The following REC8 variants were observed in gnomAD, a reference collection of about 807,000 sequenced individuals.
REC8 encodes meiotic recombination protein REC8 homolog.
REC8 carries 42 observed loss-of-function variants against 78.3 expected under a neutral mutation model. The observed-to-expected ratio is 0.54, with a 90% confidence interval of 0.42 to 0.69. The LOEUF is 0.69. REC8 is among the 30% of genes least tolerant of loss of function. REC8 has a pLI of 0.00. For missense variants in REC8, 581 were observed against 715.8 expected, an observed-to-expected ratio of 0.81 and a Z score of 2.15; for synonymous variants, 268 against 274.1, an observed-to-expected ratio of 0.98 and a Z score of 0.22.
intron 10 of REC8, 83 bp from the exon 11 acceptor site, chr14:24,177,626 A>G: frequency 1.3e-6 from 2 of 1,577,764 alleles, no homozygotes; most frequent in Non-Finnish European, 1.7e-6. Context: ...AACTTGCTAA[A>G]GGGAGGACCC....
Position 24,178,123 on chromosome 14 carries a change from C to CCGCCGTCGT in REC8, c.903_911dup (p.Arg302_Arg304dup). 6.2e-7 allele frequency: 1 copy of CCGCCGTCGT among 1,613,868 alleles called. No homozygotes were observed. Among genetic ancestry groups the CCGCCGTCGT allele is most frequent in the Non-Finnish European group, 8.5e-7 (1 of 1,179,856 alleles). On this transcript the variant is annotated inframe_insertion, in exon 12 of 19. Transcript: ENST00000611366. The stretch of plus-strand genomic sequence containing the variant: ...CCCCAGTCCCCCCACCTCCTCGCCG[C>CCGCCGTCGT]CGCCGTCGTCGCCGGTTACTGTTCT...
chr14:24,178,719 C>T, intron 13 of REC8, 47 bp downstream of exon 13: 1 of 1,613,342 alleles, frequency 6.2e-7, no homozygotes, highest in South Asian at 1.1e-5. Flanking sequence ...AAACCAATTC[C>T]TCATTCCTGG....
At chr14:24,179,296 C>G (rs935284251) in intron 15 of REC8, 101 bp from the exon 16 acceptor site, 2 of 1,355,574 alleles carry the variant, frequency 1.5e-6, no homozygotes, top group East Asian at 2.3e-5. Context: ...GTGCTTTTAA[C>G]AAGTCACCGC....
intron 12 of REC8, 151 bp downstream of exon 12, chr14:24,178,373 G>A (rs1381877879): frequency 6.1e-6 from 5 of 822,644 alleles, no homozygotes; most frequent in South Asian, 3.4e-5. Flanking sequence ...AAATGCAGGC[G>A]ATGTGGGTTT....
At chr14:24,176,409 T>C (rs939639669) in intron 6 of REC8, among the ~76,000 whole-genome samples, 2 of 149,136 alleles carry the variant, frequency 1.3e-5, no homozygotes, top group Non-Finnish European at 3.0e-5. Context: ...GGTATGATGA[T>C]CATAGGTCAC....
Position 24,173,287 on chromosome 14 carries a change from C to T in REC8, c.342-4C>T. 7 of 1,614,232 alleles carry T rather than the reference C, an allele frequency of 4.3e-6. No individual in the cohort carries two copies. The highest frequency in any genetic ancestry group is 5.9e-6 in the Non-Finnish European group (7 of 1,180,032). On this transcript the variant is annotated splice_polypyrimidine_tract_variant and splice_region_variant and intron_variant, in intron 4 of 18. Coordinates refer to ENST00000611366, the MANE Select transcript of REC8 (RefSeq NM_001048205.2). ...AGTCCTTCACGGCCTACATTCTCTC[C>T]CAGACCCAGCCTGCTGCTTCCTAAC...
rs947912168 is a variant in REC8, at chr14:24,179,837, G to A, written c.1489G>A (p.Asp497Asn). Residue 497 changes from aspartate (D) to asparagine (N), a missense_variant, in exon 18 of 19, where the codon GAC becomes AAC. Transcript: ENST00000611366. ...ALELQANREPDFSSLVSPLSP... is the reference protein window; with the variant it reads ...ALELQANREPNFSSLVSPLSP... ...GGAGCTGCAGGCTAACAGGGAGCCC[G>A]ACTTCAGCAGCCTGGTGTCACCTCT... 3.7e-6 allele frequency: 6 copies of A among 1,613,240 alleles called. No individual in the cohort carries two copies. Among genetic ancestry groups the A allele is most frequent in the Non-Finnish European group, 5.1e-6 (6 of 1,179,572 alleles).
rs2039074043 is a variant in REC8, at chr14:24,179,626, C to T, written c.1351C>T (p.Pro451Ser). 1 of 1,614,084 alleles carries T rather than the reference C, an allele frequency of 6.2e-7. No homozygotes were observed. The highest frequency in any genetic ancestry group is 1.3e-5 in the African/African-American group (1 of 74,928). ...GCCTGAGGTGGAGGCGCCAGAAGCT[C>T]CTGCATTGCCCGTGGTGCCTGAACT... ...AWPEVEAPEAPALPVVPELPE... is the reference protein window; with the variant it reads ...AWPEVEAPEASALPVVPELPE... Residue 451 changes from proline (P) to serine (S), a missense_variant, in exon 17 of 19, where the codon CCT becomes TCT. Pro to Ser is a moderately conservative substitution (Grantham distance 74). Coordinates refer to ENST00000611366, the MANE Select transcript of REC8 (RefSeq NM_001048205.2).
chr14:24,173,336 A>G lies in REC8; in HGVS notation c.387A>G (p.Leu129=). ...LPNHLAMMET[L]EDAPDPFFGM... ...ACCACCTGGCCATGATGGAGACCCT[A>G]GAAGATGCTCCAGATCCCTTTTTTG... Residue 129 remains leucine, a synonymous_variant, in exon 5 of 19, where the codon CTA becomes CTG. Transcript: ENST00000611366. 6.2e-7 allele frequency: 1 copy of G among 1,614,170 alleles called. No homozygotes were observed.
chr14:24,179,517 G>A (rs2039068361), intron 16 of REC8, 54 bp downstream of exon 16: 5 of 1,613,808 alleles, frequency 3.1e-6, no homozygotes, highest in South Asian at 1.1e-5. Flanking sequence ...GCCAGGTGGT[G>A]GAAACAGCTG....
At chr14:24,175,954 C>T (rs1288223197) in intron 6 of REC8, among the ~76,000 whole-genome samples, 1 of 151,684 alleles carries the variant, frequency 6.6e-6, no homozygotes, top group Non-Finnish European at 1.5e-5. Context: ...CCACCCGCCT[C>T]GGCCTCCCAA....
intron 5 of REC8, 71 bp from the exon 6 acceptor site, chr14:24,175,472 A>C (rs1310357855): frequency 8.6e-7 from 1 of 1,164,476 alleles, no homozygotes; most frequent in Non-Finnish European, 1.3e-6. Flanking sequence ...TTGTTGAAGA[A>C]GGCTGTGAAA....
Position 24,177,545 on chromosome 14 carries a change from A to G in REC8, c.814+4A>G. On this transcript the variant is annotated splice_donor_region_variant and intron_variant, in intron 10 of 18. Transcript: ENST00000611366. ...GAACCTGGGGCCCTACTCATGGGTG[A>G]GTGCCCACCATGCCCCAGGGGCTTT... is the stretch of plus-strand genomic sequence containing the variant. 1 of 1,611,956 alleles carries G rather than the reference A, an allele frequency of 6.2e-7. No individual in the cohort carries two copies. Among genetic ancestry groups the G allele is most frequent in the Non-Finnish European group, 8.5e-7 (1 of 1,178,782 alleles).
intron 2 of REC8, 39 bp downstream of exon 2, chr14:24,172,820 G>C (rs774203794): frequency 6.2e-7 from 1 of 1,614,068 alleles, no homozygotes; most frequent in Non-Finnish European, 8.5e-7. Context: ...TGGTGCGGGG[G>C]GTGAGTTAGG....
rs566811826 is a variant in REC8 at position 24,178,000 on chromosome 14, G to T, written c.865-91G>T. Reference sequence around the variant, plus strand: ...AAGCCCTCTCCAGGTTCCTCTAGGGGCGGGTGTGGGGTCCTGTTAGCAGTC... The same window carrying T: ...AAGCCCTCTCCAGGTTCCTCTAGGGTCGGGTGTGGGGTCCTGTTAGCAGTC... On this transcript the variant is annotated intron_variant, in intron 11 of 18. Transcript: ENST00000611366. The T allele has an allele frequency of 1.6e-5, 24 of 1,536,982 alleles. No homozygotes were observed. In the South Asian group the frequency reaches 2.9e-4, roughly 19 times the overall value.
chr14:24,177,654 G>C, intron 10 of REC8, 55 bp from the exon 11 acceptor site: 1 of 1,581,692 alleles, frequency 6.3e-7, no homozygotes, highest in African/African-American at 1.4e-5. Context: ...TCTTGCCCTG[G>C]CATCTGCAAG....
Position 24,176,913 on chromosome 14 carries a change from T to G in REC8, c.624+12T>G, listed in dbSNP as rs1265147331. 3.1e-6 allele frequency: 5 copies of G among 1,608,044 alleles called. No homozygotes were observed. The highest frequency in any genetic ancestry group is 8.5e-7 in the Non-Finnish European group (1 of 1,175,256). On this transcript the variant is annotated intron_variant, in intron 7 of 18. Coordinates refer to ENST00000611366, the MANE Select transcript of REC8 (RefSeq NM_001048205.2). ...TGCTGGAGATTGAGGTGAGTTCCCCTGCACACAGGGCCTGAGGTCCAGCCC... is the reference window on the plus strand; with the variant it reads ...TGCTGGAGATTGAGGTGAGTTCCCCGGCACACAGGGCCTGAGGTCCAGCCC...
Position 24,172,990 on chromosome 14 carries a change from C to CTTCA in REC8, c.218_221dup (p.Gln74HisfsTer41). ...CTTCTCCCTCTATCTCTCAGCCCAA[C>CTTCA]TTCAGATCGGTGTGATCCGCGTCTA... On this transcript the variant is annotated frameshift_variant, in exon 3 of 19. Transcript: ENST00000611366. LOFTEE classifies it high-confidence loss of function. 1 of 1,609,130 alleles carries CTTCA rather than the reference C, an allele frequency of 6.2e-7. No homozygotes were observed. The highest frequency in any genetic ancestry group is 8.5e-7 in the Non-Finnish European group (1 of 1,180,022).
In REC8 at chr14:24,176,832, G is replaced by A. The variant is rs199618116; in HGVS notation, c.555G>A (p.Pro185=). 4.5e-5 allele frequency: 72 copies of A among 1,612,930 alleles called. No individual in the cohort carries two copies. The highest frequency in any genetic ancestry group is 3.1e-4 in the East Asian group (14 of 44,870). Reference sequence around the variant, plus strand: ...CTCTTGTCCCTCCAGAGAGGATTCCGGTCACTGTGCTGCCACCTGAGGCCA... The same window carrying A: ...CTCTTGTCCCTCCAGAGAGGATTCCAGTCACTGTGCTGCCACCTGAGGCCA... ...PTEPREPERI[P]VTVLPPEAIT... is the part of the protein sequence containing the mutation. The change falls in exon 7 of 19, where the codon CCG becomes CCA. Residue 185 remains proline (P), a synonymous_variant. Transcript: ENST00000611366.
Sources: allele counts gnomAD v4.1 joint callset (sites outside exome capture counted in the v4.1 genomes callset), GRCh38; gene constraint gnomAD v4.1.1; transcripts MANE v1.5; gene names NCBI Gene and HGNC (gene_info 2026-07-23, HGNC 2026-07-21).